The following ITGB6 variants were observed in gnomAD, a reference collection of about 807,000 sequenced individuals.
ITGB6 encodes integrin subunit beta 6.
ITGB6 carries 80 observed loss-of-function variants against 84.5 expected under a neutral mutation model. The ratio of observed to expected loss-of-function variants is 0.95; its 90% CI spans 0.79 to 1.14. The LOEUF (loss-of-function observed/expected upper bound fraction) is 1.14. ITGB6 is among the 50% of genes most tolerant of loss of function. The pLI is 0.00. For synonymous variants in ITGB6, 383 were observed against 354.9 expected, an observed-to-expected ratio of 1.08 and a Z score of -0.89; for missense variants, 1,006 against 968.0, an observed-to-expected ratio of 1.04 and a Z score of -0.52.
chr2:160,119,528 A>C, intron 12 of ITGB6, among the ~76,000 whole-genome samples: 1 of 152,020 alleles, frequency 6.6e-6, no homozygotes, highest in Non-Finnish European at 1.5e-5. Flanking sequence ...AGATGGATTA[A>C]AGACTTACAT....
intron 12 of ITGB6, among the ~76,000 whole-genome samples, chr2:160,118,349 G>C (rs1454723647): frequency 6.6e-6 from 1 of 152,196 alleles, no homozygotes; most frequent in Non-Finnish European, 1.5e-5. Flanking sequence ...GGGATGCAAG[G>C]CTGATTCAAC....
At chr2:160,192,823 C>G (rs1686193381) in intron 4 of ITGB6, among the ~76,000 whole-genome samples, 1 of 151,738 alleles carries the variant, frequency 6.6e-6, no homozygotes. Flanking sequence ...AAAAAATGGG[C>G]AAAAGATTTG....
intron 10 of ITGB6, 111 bp downstream of exon 10, chr2:160,137,323 A>T: frequency 9.9e-7 from 1 of 1,005,256 alleles, no homozygotes; most frequent in Non-Finnish European, 1.5e-6. Flanking sequence ...TGATCAGCAA[A>T]TATTTATTGA....
At chr2:160,133,839 G>A (rs1173719277) in intron 10 of ITGB6, among the ~76,000 whole-genome samples, 1 of 152,016 alleles carries the variant, frequency 6.6e-6, no homozygotes, top group Non-Finnish European at 1.5e-5. Context: ...CAGACATAAA[G>A]GTGTTCTTTG....
At chr2:160,197,311 G>C (rs1686382109) in intron 2 of ITGB6, among the ~76,000 whole-genome samples, 1 of 152,014 alleles carries the variant, frequency 6.6e-6, no homozygotes, top group African/African-American at 2.4e-5. Context: ...AAAAAAGTCT[G>C]CTTTTCTGCG....
At chr2:160,146,457 A>G (rs915920664) in intron 7 of ITGB6, among the ~76,000 whole-genome samples, 12 of 152,192 alleles carry the variant, frequency 7.9e-5, no homozygotes, top group African/African-American at 2.9e-4. Flanking sequence ...ATATTATATT[A>G]TTAACCAACA....
intron 7 of ITGB6, 114 bp from the exon 8 acceptor site, chr2:160,142,185 G>A (rs916017781): frequency 1.6e-6 from 1 of 626,420 alleles, no homozygotes; most frequent in Admixed American, 3.2e-5. Flanking sequence ...GGGAAAACAG[G>A]TTCGTGATAA....
At chr2:160,139,819 A>G (rs1683924088) in intron 8 of ITGB6, among the ~76,000 whole-genome samples, 2 of 152,242 alleles carry the variant, frequency 1.3e-5, no homozygotes. Flanking sequence ...ACACAAACAG[A>G]GGAACTTATC....
At chr2:160,128,886 C>A (rs1401616541) in intron 10 of ITGB6, among the ~76,000 whole-genome samples, 2 of 151,946 alleles carry the variant, frequency 1.3e-5, no homozygotes, top group Non-Finnish European at 2.9e-5. Context: ...GCTCAAGGGG[C>A]CTGTGGGACA....
At chr2:160,199,853 TTGTC>T in intron 1 of ITGB6, 146 bp downstream of exon 1, 1 of 633,808 alleles carries the variant, frequency 1.6e-6, no homozygotes, top group Admixed American at 2.9e-5. Flanking sequence ...TGCCCGGTGT[TTGTC>T]TGTAATTTGT....
chr2:160,137,936 A>G (rs1485700436), intron 9 of ITGB6, 85 bp from the exon 10 acceptor site: 2 of 1,543,138 alleles, frequency 1.3e-6, no homozygotes, highest in African/African-American at 1.4e-5. Flanking sequence ...AGCTTTGCCA[A>G]AAGCATTTAC....
At chr2:160,189,155 A>G (rs934485146) in intron 4 of ITGB6, among the ~76,000 whole-genome samples, 49 of 152,154 alleles carry the variant, frequency 3.2e-4, no homozygotes, top group African/African-American at 1.1e-3. Flanking sequence ...GCCATATGTA[A>G]AAAGCTGAAA....
chr2:160,108,054 T>C (rs1307697564), intron 13 of ITGB6, among the ~76,000 whole-genome samples: 3 of 152,130 alleles, frequency 2.0e-5, no homozygotes, highest in Non-Finnish European at 4.4e-5. Flanking sequence ...AGGAAGAATT[T>C]AGATATTTGA....
In ITGB6 at chr2:160,168,961, A is replaced by G. The variant is rs574885806; in HGVS notation, c.1017+251T>C. ...ATATTTGTTGATACTCTCCTCCAGC[A>G]TATCTGTTTCATTTCCTTAACTCAG... On this transcript the variant is annotated intron_variant, in intron 7 of 14. Coordinates refer to ENST00000283249, the MANE Select transcript of ITGB6 (RefSeq NM_000888.5). Among the ~76,000 whole-genome samples, 96 of 152,288 alleles carry G rather than the reference A, an allele frequency of 6.3e-4. 2 individuals carry two copies. In the South Asian group the frequency reaches 0.019, roughly 31 times the overall value.
At chr2:160,140,080 TTTTTATAGACTA>T (rs1683936841) in intron 8 of ITGB6, among the ~76,000 whole-genome samples, 3 of 152,214 alleles carry the variant, frequency 2.0e-5, no homozygotes, top group South Asian at 4.1e-4. Context: ...CTTCTCTCTC[TTTTTATAGACTA>T]GAAAGAAATT....
chr2:160,152,554 C>G (rs940261403), intron 7 of ITGB6, among the ~76,000 whole-genome samples: 1 of 152,192 alleles, frequency 6.6e-6, no homozygotes, highest in African/African-American at 2.4e-5. Context: ...GGGATGCCCT[C>G]TCTCACCACT....
intron 7 of ITGB6, among the ~76,000 whole-genome samples, chr2:160,144,223 G>C (rs1464953677): frequency 2.0e-5 from 3 of 152,108 alleles, no homozygotes; most frequent in African/African-American, 7.2e-5. Context: ...TCTTAACAGT[G>C]TGAGATGCTG....
intron 11 of ITGB6, 149 bp downstream of exon 11, chr2:160,126,230 G>C (rs1683235490): frequency 1.5e-6 from 1 of 660,794 alleles, no homozygotes; most frequent in East Asian, 2.7e-5. Context: ...GAAGATCACA[G>C]AGGCCCTGTG....
intron 4 of ITGB6, among the ~76,000 whole-genome samples, chr2:160,180,113 C>CA (rs34572460): frequency 0.12 from 9,925 of 81,784 alleles, 461 homozygotes; most frequent in Middle Eastern, 0.22. Context: ...AACTCCACCT[C>CA]AAAAAAAAAA....
Sources: allele counts gnomAD v4.1 joint callset (sites outside exome capture counted in the v4.1 genomes callset), GRCh38; gene constraint gnomAD v4.1.1; transcripts MANE v1.5; gene names NCBI Gene and HGNC (gene_info 2026-07-23, HGNC 2026-07-21).